Variants in RALYL observed in about 807,000 individuals in gnomAD.
RALYL encodes the protein RALY RNA binding protein like.
A neutral mutation model predicts 35.1 loss-of-function variants in RALYL; 29 were observed. The ratio of observed to expected loss-of-function variants is 0.83; its 90% CI spans 0.61 to 1.13. The LOEUF is 1.13. Ranked by LOEUF, RALYL falls within the 50% of genes most tolerant of loss-of-function variation. RALYL has a pLI of 0.00. For synonymous variants in RALYL, 120 were observed against 127.6 expected (o/e 0.94, Z 0.40); for missense variants, 359 against 360.4 (o/e 1.00, Z 0.03).
At chr8:84,201,827 A>G (rs546741537) in intron 1 of RALYL, among the ~76,000 whole-genome samples, 1 of 152,250 alleles carries the variant, frequency 6.6e-6, no homozygotes, top group South Asian at 2.1e-4. Context: ...TCAGCCTCCC[A>G]AAGCACTGGT....
intron 2 of RALYL, among the ~76,000 whole-genome samples, chr8:84,672,651 A>G (rs1334889341): frequency 1.3e-5 from 2 of 152,184 alleles, no homozygotes; most frequent in Non-Finnish European, 2.9e-5. Flanking sequence ...AAGGCAAAGG[A>G]GGAGCAAGGG....
intron 2 of RALYL, among the ~76,000 whole-genome samples, chr8:84,720,901 T>C (rs1346085132): frequency 2.6e-5 from 4 of 152,100 alleles, no homozygotes; most frequent in African/African-American, 9.7e-5. Flanking sequence ...CAGCATCACT[T>C]ATCATCAGGG....
At chr8:84,346,020 A>G (rs759570714) in intron 1 of RALYL, 2 of 892,624 alleles carry the variant, frequency 2.2e-6, no homozygotes, top group South Asian at 1.0e-4. Context: ...TATAACTTGT[A>G]TGCATTTCTC....
At chr8:84,680,212 G>C (rs1316102754) in intron 2 of RALYL, among the ~76,000 whole-genome samples, 1 of 152,156 alleles carries the variant, frequency 6.6e-6, no homozygotes, top group Non-Finnish European at 1.5e-5. Context: ...GTATTCCATG[G>C]TATATATGTG....
chr8:84,739,013 G>T (rs1405765405), intron 2 of RALYL, among the ~76,000 whole-genome samples: 1 of 151,964 alleles, frequency 6.6e-6, no homozygotes, highest in Non-Finnish European at 1.5e-5. Context: ...TACACGTCAT[G>T]AAGATGACAT....
chr8:84,687,055 G>C (rs866874357), intron 2 of RALYL, among the ~76,000 whole-genome samples: 3 of 152,018 alleles, frequency 2.0e-5, no homozygotes, highest in Middle Eastern at 6.8e-3. Flanking sequence ...TCTAATCCAG[G>C]GGTAATCATG....
chr8:84,426,534 GTTCAATAAGCATAATGTAC>G (rs1245014214), intron 1 of RALYL, among the ~76,000 whole-genome samples: 1 of 150,418 alleles, frequency 6.6e-6, no homozygotes, highest in Non-Finnish European at 1.5e-5. Flanking sequence ...GTCTGACTTA[GTTCAATAAGCATAATGTAC>G]TCCAGGCCTA....
At chr8:84,487,544 TA>T (rs1274623503) in intron 1 of RALYL, among the ~76,000 whole-genome samples, 1 of 152,026 alleles carries the variant, frequency 6.6e-6, no homozygotes, top group Non-Finnish European at 1.5e-5. Flanking sequence ...AAATATATGA[TA>T]GGGGTCAAGA....
At chr8:84,523,502 T>A (rs923339780) in intron 1 of RALYL, among the ~76,000 whole-genome samples, 2 of 151,440 alleles carry the variant, frequency 1.3e-5, no homozygotes, top group Non-Finnish European at 3.0e-5. Flanking sequence ...TGTTGTTTTT[T>A]ATTTTTTTAT....
rs1005390406 is a variant in RALYL, at chr8:84,327,480, C to T, written c.-24+143056C>T. ...GTTTGAATTTCAACGTATGGACCAG[C>T]GTCTTGCAACCTAGGGTCCATAGGC... is the stretch of plus-strand genomic sequence containing the variant. On this transcript the variant is annotated intron_variant, in intron 1 of 8. Coordinates refer to ENST00000521268, the MANE Select transcript of RALYL (RefSeq NM_173848.7). Among the ~76,000 whole-genome samples the T allele has an allele frequency of 2.6e-5, 4 of 152,050 alleles. No individual in the cohort carries two copies. The East Asian group carries it at 5.8e-4, about 22-fold the overall frequency.
intron 1 of RALYL, among the ~76,000 whole-genome samples, chr8:84,469,058 C>G (rs1315372666): frequency 6.6e-6 from 1 of 151,854 alleles, no homozygotes; most frequent in African/African-American, 2.4e-5. Context: ...AATTTTTTTT[C>G]AAAGTTTTCA....
intron 3 of RALYL, among the ~76,000 whole-genome samples, chr8:84,796,912 A>T (rs1035823480): frequency 6.6e-6 from 1 of 152,190 alleles, no homozygotes. Flanking sequence ...TGTGTTCTTT[A>T]TCTTTTCTTA....
intron 2 of RALYL, among the ~76,000 whole-genome samples, chr8:84,716,830 T>C (rs1036554540): frequency 2.0e-5 from 3 of 152,180 alleles, no homozygotes; most frequent in Non-Finnish European, 4.4e-5. Context: ...AAACAAATCA[T>C]TAAAAATTCT....
intron 1 of RALYL, among the ~76,000 whole-genome samples, chr8:84,253,542 C>A (rs1220801979): frequency 2.6e-5 from 4 of 151,860 alleles, no homozygotes. Context: ...ATGAAGAGGA[C>A]TTTCCATGTC....
intron 2 of RALYL, among the ~76,000 whole-genome samples, chr8:84,693,239 G>A (rs1335749759): frequency 1.3e-5 from 2 of 151,916 alleles, no homozygotes; most frequent in African/African-American, 4.8e-5. Context: ...GCCTGAGACT[G>A]AGCAATTTAT....
intron 1 of RALYL, among the ~76,000 whole-genome samples, chr8:84,341,659 A>G (rs1455920323): frequency 6.6e-6 from 1 of 152,034 alleles, no homozygotes; most frequent in Non-Finnish European, 1.5e-5. Context: ...GTTTTATTTA[A>G]AATTTAAAAC....
At chr8:84,516,825 C>G (rs2058102760) in intron 1 of RALYL, among the ~76,000 whole-genome samples, 1 of 152,108 alleles carries the variant, frequency 6.6e-6, no homozygotes, top group East Asian at 1.9e-4. Flanking sequence ...ATTCTATCTT[C>G]TTATTTTAAT....
intron 4 of RALYL, among the ~76,000 whole-genome samples, chr8:84,843,476 A>G (rs1833896514): frequency 6.6e-6 from 1 of 152,224 alleles, no homozygotes; most frequent in African/African-American, 2.4e-5. Flanking sequence ...GAGGATACAA[A>G]GAAATGGAAG....
At position 84,472,534 on chromosome 8, in the gene RALYL, C is replaced by G. The variant is rs2133734060; in HGVS notation, c.-23-56765C>G. Among the ~76,000 whole-genome samples, 3 of 152,194 alleles carry G rather than the reference C, an allele frequency of 2.0e-5. No individual in the cohort carries two copies. In the Middle Eastern group the frequency reaches 0.01, roughly 518 times the overall value. On this transcript the variant is annotated intron_variant, in intron 1 of 8. Coordinates refer to ENST00000521268, the MANE Select transcript of RALYL (RefSeq NM_173848.7). ...CTTAGTATCTTTGTGTTTAGAGAAA[C>G]TAGTCCATTTCACTGGAATACATAA...
Sources: gnomAD v4.1 joint callset for allele counts (sites outside exome capture counted in the v4.1 genomes callset) on GRCh38, gnomAD v4.1.1 for gene constraint, MANE v1.5 for transcripts, NCBI Gene and HGNC (gene_info 2026-07-23, HGNC 2026-07-21) for gene names.